Variants in PUDP observed in about 807,000 individuals in gnomAD.
PUDP encodes the protein pseudouridine 5'-phosphatase.
PUDP carries 8 observed loss-of-function variants against 9.4 expected under a neutral mutation model. That is an observed-to-expected ratio of 0.85 (90% confidence interval 0.50 to 1.53). The LOEUF (loss-of-function observed/expected upper bound fraction) is 1.53, where lower values mean the gene tolerates loss of function less well. Among genes scored for constraint, PUDP ranks in the 40% most tolerant of loss-of-function variants. The pLI is 0.00. For synonymous variants in PUDP, 99 were observed against 80.7 expected (o/e 1.23, Z -1.22); for missense variants, 188 against 189.7 (o/e 0.99, Z 0.05).
chrX:6,915,871 T>C (rs56261234), intron 3 of PUDP, among the ~76,000 whole-genome samples: 1,330 of 110,993 alleles, frequency 0.012, 11 homozygotes, highest in Non-Finnish European at 0.018. Context: ...TAAACTAATA[T>C]TAGAATATTA....
intron 1 of PUDP, among the ~76,000 whole-genome samples, chrX:7,132,038 A>C (rs1205544528): frequency 9.0e-6 from 1 of 110,579 alleles, no homozygotes; most frequent in Non-Finnish European, 1.9e-5. Flanking sequence ...CTAGCAGATG[A>C]ATGATGATAA....
upstream of PUDP, among the ~76,000 whole-genome samples, chrX:6,726,189 A>G (rs1373626909): frequency 9.0e-6 from 1 of 111,468 alleles, no homozygotes; most frequent in Admixed American, 9.6e-5. Flanking sequence ...AGGAATTAAA[A>G]TGGGCATGGC....
At chrX:7,085,851 T>C (rs1931247358) in intron 2 of PUDP, among the ~76,000 whole-genome samples, 1 of 111,517 alleles carries the variant, frequency 9.0e-6, no homozygotes, top group Non-Finnish European at 1.9e-5. Context: ...CTATAAAGAC[T>C]TGAACAAGTT....
Position 6,819,290 on chromosome X carries a change from C to T in PUDP, c.*248-112824G>A, listed in dbSNP as rs1926299863. 2.7e-5 allele frequency among the ~76,000 whole-genome samples: 3 copies of T among 111,919 alleles called. No homozygotes were observed. In the Admixed American group the frequency reaches 2.9e-4, roughly 11 times the overall value. On this transcript the variant is annotated intron_variant and NMD_transcript_variant, in intron 3 of 3. Coordinates refer to the PUDP transcript ENST00000655425. ...TCTTACAATTATTTGTCCCCTCACCCTGAGCCTTAGTAATATTTTACACAT... is the reference window on the plus strand; with the variant it reads ...TCTTACAATTATTTGTCCCCTCACCTTGAGCCTTAGTAATATTTTACACAT...
chrX:6,908,252 C>T (rs1182930436), intron 3 of PUDP, among the ~76,000 whole-genome samples: 1 of 112,531 alleles, frequency 8.9e-6, no homozygotes, highest in Non-Finnish European at 1.9e-5. Flanking sequence ...CTACATATCA[C>T]GTACTATTCT....
intron 2 of PUDP, among the ~76,000 whole-genome samples, chrX:7,083,021 T>C (rs1214620633): frequency 2.7e-5 from 3 of 112,376 alleles, no homozygotes; most frequent in Non-Finnish European, 5.6e-5. Flanking sequence ...TGAAGTGATG[T>C]GGCCACAAGC....
intron 1 of PUDP, among the ~76,000 whole-genome samples, chrX:7,036,201 C>A (rs927644021): frequency 8.9e-6 from 1 of 112,052 alleles, no homozygotes; most frequent in Middle Eastern, 4.6e-3. Flanking sequence ...GGGACAAGGA[C>A]TTTTTATATC....
chrX:6,728,060 C>T (rs1028169408), intron 3 of PUDP, among the ~76,000 whole-genome samples: 23 of 111,511 alleles, frequency 2.1e-4, no homozygotes, highest in African/African-American at 7.2e-4. Flanking sequence ...CACAGTTCCA[C>T]CTGGCTGGGG....
At chrX:6,796,143 C>A (rs937536504) in intron 3 of PUDP, among the ~76,000 whole-genome samples, 7 of 112,149 alleles carry the variant, frequency 6.2e-5, no homozygotes, top group Non-Finnish European at 1.3e-4. Flanking sequence ...CCATTAGCAA[C>A]CCCAAACCCA....
chrX:6,807,206 C>T (rs1053674261), intron 3 of PUDP, among the ~76,000 whole-genome samples: 8 of 112,177 alleles, frequency 7.1e-5, no homozygotes, highest in Non-Finnish European at 1.1e-4. Context: ...CCTTTTGCTG[C>T]CTTTGTCATT....
chrX:6,772,879 A>C (rs1404950889), intron 3 of PUDP, among the ~76,000 whole-genome samples: 1 of 111,171 alleles, frequency 9.0e-6, no homozygotes, highest in Non-Finnish European at 1.9e-5. Flanking sequence ...ACAGAGTGGG[A>C]CTCTGTCTCA....
chrX:7,099,695 G>C (rs947205485), intron 2 of PUDP, among the ~76,000 whole-genome samples: 2 of 112,134 alleles, frequency 1.8e-5, no homozygotes, highest in Admixed American at 1.9e-4. Context: ...GACTGGCCCA[G>C]GCAAAGAGCC....
At chrX:6,723,876 G>A (rs78808163), upstream of PUDP, among the ~76,000 whole-genome samples, 2 of 111,209 alleles carry the variant, frequency 1.8e-5, no homozygotes, top group Admixed American at 9.6e-5. Flanking sequence ...CAGTAAATAC[G>A]GCAAAAATGT....
At chrX:6,786,865 CA>C (rs2146686730) in intron 3 of PUDP, among the ~76,000 whole-genome samples, 1 of 111,831 alleles carries the variant, frequency 8.9e-6, no homozygotes, top group Admixed American at 9.5e-5. Flanking sequence ...CTATTTCTTT[CA>C]AAACCCATGT....
intron 1 of PUDP, among the ~76,000 whole-genome samples, chrX:7,023,452 C>T (rs1358423828): frequency 8.9e-6 from 1 of 111,933 alleles, no homozygotes; most frequent in African/African-American, 3.2e-5. Flanking sequence ...GTTTGCTTCT[C>T]GAAGTCTCGT....
intron 3 of PUDP, among the ~76,000 whole-genome samples, chrX:6,787,573 A>G (rs1196280600): frequency 8.9e-6 from 1 of 112,262 alleles, no homozygotes; most frequent in Non-Finnish European, 1.9e-5. Flanking sequence ...ATCCAATCCA[A>G]TTGATACAAT....
At chrX:6,990,733 G>A (rs889393861) in intron 1 of PUDP, among the ~76,000 whole-genome samples, 2 of 112,086 alleles carry the variant, frequency 1.8e-5, no homozygotes, top group South Asian at 3.7e-4. Flanking sequence ...CGCATGGGCC[G>A]GGAACTGCAG....
intron 2 of PUDP, among the ~76,000 whole-genome samples, chrX:7,079,215 G>T (rs1157278495): frequency 8.9e-6 from 1 of 112,556 alleles, no homozygotes; most frequent in Non-Finnish European, 1.9e-5. Flanking sequence ...AACAATGAAT[G>T]ACTATCATCA....
At chrX:7,147,232 G>C (rs1932884432) in intron 1 of PUDP, among the ~76,000 whole-genome samples, 1 of 110,701 alleles carries the variant, frequency 9.0e-6, no homozygotes, top group Non-Finnish European at 1.9e-5. Context: ...GATTGGGCAG[G>C]GGTAGGGTGG....
Sources: allele counts gnomAD v4.1 joint callset (sites outside exome capture counted in the v4.1 genomes callset), GRCh38; gene constraint gnomAD v4.1.1; transcripts MANE v1.5; gene names NCBI Gene and HGNC (gene_info 2026-07-23, HGNC 2026-07-21).